TCEA1: variants seen among roughly 807,000 people sequenced by gnomAD.
TCEA1 encodes the protein transcription elongation factor A protein 1.
Under a neutral mutation model 43.8 loss-of-function variants are expected in TCEA1, and 21 were observed. The ratio of observed to expected loss-of-function variants is 0.48; its 90% CI spans 0.34 to 0.69. TCEA1 has a LOEUF of 0.69. Ranked by LOEUF, TCEA1 falls within the 30% of genes least tolerant of loss-of-function variation. The pLI is 0.01. For missense variants in TCEA1, 250 were observed against 365.1 expected, an observed-to-expected ratio of 0.68 and a Z score of 2.57; for synonymous variants, 104 against 117.5, an observed-to-expected ratio of 0.88 and a Z score of 0.75.
chr8:54,002,572 T>C (rs1419120124), intron 2 of TCEA1, among the ~76,000 whole-genome samples: 2 of 123,732 alleles, frequency 1.6e-5, no homozygotes, highest in Admixed American at 8.5e-5. Context: ...ATGGAAAAAA[T>C]GAAAAAAAAA....
chr8:53,996,918 T>TTTTTTTTTTTTTTTTTTTTTG (rs1471902060), intron 3 of TCEA1, among the ~76,000 whole-genome samples: 1 of 149,012 alleles, frequency 6.7e-6, no homozygotes, highest in Admixed American at 6.7e-5. Context: ...TTTTTTTTTT[T>TTTTTTTTTTTTTTTTTTTTTG]AGACAGACTC....
intron 7 of TCEA1, among the ~76,000 whole-genome samples, chr8:53,982,385 A>G (rs1430980657): frequency 6.6e-6 from 1 of 152,046 alleles, no homozygotes; most frequent in African/African-American, 2.4e-5. Context: ...AGGCGGGTGG[A>G]TCACCTGAGG....
intron 1 of TCEA1, among the ~76,000 whole-genome samples, chr8:54,012,962 C>CAAAAAAAAAAAAAAAAAAAAAAAAAAAA (rs72062714): frequency 1.3e-5 from 1 of 76,966 alleles, no homozygotes; most frequent in African/African-American, 4.2e-5. Context: ...ACGACGACGA[C>CAAAAAAAAAAAAAAAAAAAAAAAAAAAA]AAAAAAAAAA....
intron 4 of TCEA1, among the ~76,000 whole-genome samples, chr8:53,992,266 C>T (rs542601717): frequency 7.4e-4 from 113 of 151,880 alleles, no homozygotes; most frequent in African/African-American, 2.6e-3. Flanking sequence ...GAGTCGAGAT[C>T]GTGCCACTGC....
intron 5 of TCEA1, among the ~76,000 whole-genome samples, chr8:53,987,683 TA>T (rs1803732674): frequency 6.6e-6 from 1 of 152,194 alleles, no homozygotes; most frequent in African/African-American, 2.4e-5. Flanking sequence ...AGCTCCCATA[TA>T]TAAATCAAGA....
intron 1 of TCEA1, among the ~76,000 whole-genome samples, chr8:54,020,746 C>T: frequency 6.6e-6 from 1 of 152,206 alleles, no homozygotes; most frequent in Non-Finnish European, 1.5e-5. Flanking sequence ...CTCCAAAGTG[C>T]TGTACAAATC....
intron 8 of TCEA1, chr8:53,972,585 G>A: frequency 1.8e-6 from 1 of 560,640 alleles, no homozygotes; most frequent in Non-Finnish European, 3.5e-6. Context: ...TAAACCTAAA[G>A]GAGGTGTTAT....
At chr8:53,987,810 T>C (rs540332656) in intron 5 of TCEA1, among the ~76,000 whole-genome samples, 96 of 152,272 alleles carry the variant, frequency 6.3e-4, no homozygotes, top group African/African-American at 2.2e-3. Flanking sequence ...AGTTTGCAGA[T>C]TAAATTGTGG....
chr8:53,996,821 T>C (rs1804066694), intron 3 of TCEA1, among the ~76,000 whole-genome samples: 1 of 139,652 alleles, frequency 7.2e-6, no homozygotes, highest in South Asian at 2.1e-4. Context: ...TGAATAGTAA[T>C]GTATTACAAT....
chr8:53,987,072 A>G (rs1488630574), intron 5 of TCEA1, 47 bp from the exon 6 acceptor site: 1 of 1,463,894 alleles, frequency 6.8e-7, no homozygotes, highest in South Asian at 1.3e-5. Context: ...ACAGATTAAA[A>G]GAAAATTCTA....
intron 9 of TCEA1, 192 bp downstream of exon 9, chr8:53,970,200 A>C: frequency 3.2e-6 from 2 of 626,894 alleles, no homozygotes; most frequent in Non-Finnish European, 5.7e-6. Flanking sequence ...GGTAAAGTCA[A>C]GTTAATACTC....
At chr8:53,973,768 T>A (rs1803239015) in intron 8 of TCEA1, 1 of 484,520 alleles carries the variant, frequency 2.1e-6, no homozygotes, top group Admixed American at 2.8e-5. Flanking sequence ...TCCCACTTGT[T>A]CAATGTGCAT....
intron 5 of TCEA1, 138 bp from the exon 6 acceptor site, chr8:53,987,163 G>A: frequency 2.7e-6 from 2 of 733,368 alleles, no homozygotes; most frequent in Non-Finnish European, 2.3e-6. Context: ...TAGTTCGTTA[G>A]AATCTGATCA....
rs961144755 is a variant in TCEA1, at chr8:54,022,383, G to A, written c.-258C>T. 2.8e-5 allele frequency: 15 copies of A among 527,860 alleles called. No homozygotes were observed. The African/African-American group carries it at 3.1e-4, about 11-fold the overall frequency. The allele number at this position is 527,860 out of a possible 1,614,324, so 32.7% of individuals were successfully genotyped here. Reference sequence around the variant, plus strand: ...GCTACCAACTGACTGCAGATCGCTGGTGAGGGGCGAGCCCATGTTCCCGCC... The same window carrying A: ...GCTACCAACTGACTGCAGATCGCTGATGAGGGGCGAGCCCATGTTCCCGCC... On this transcript the variant is annotated 5_prime_UTR_variant, in exon 1 of 10. Coordinates refer to ENST00000521604, the MANE Select transcript of TCEA1 (RefSeq NM_006756.4).
intron 3 of TCEA1, among the ~76,000 whole-genome samples, chr8:53,997,849 A>G (rs906106855): frequency 6.6e-6 from 1 of 152,206 alleles, no homozygotes; most frequent in Non-Finnish European, 1.5e-5. Flanking sequence ...CCTAGGCAAC[A>G]TAGCAAGACC....
At chr8:54,002,798 A>G (rs1198256947) in intron 2 of TCEA1, 2 of 427,776 alleles carry the variant, frequency 4.7e-6, no homozygotes, top group Non-Finnish European at 9.3e-6. Context: ...AGCTTTCAGG[A>G]CAAACTATAC....
intron 7 of TCEA1, 31 bp from the exon 8 acceptor site, chr8:53,979,202 A>G (rs1214839924): frequency 6.3e-7 from 1 of 1,597,092 alleles, no homozygotes; most frequent in Non-Finnish European, 8.6e-7. Context: ...CCACTCAGTT[A>G]TAGACACCTT....
intron 7 of TCEA1, among the ~76,000 whole-genome samples, chr8:53,981,511 C>T (rs1459560955): frequency 6.6e-6 from 1 of 152,180 alleles, no homozygotes; most frequent in African/African-American, 2.4e-5. Flanking sequence ...ACAACAAAGC[C>T]TGGATGACAG....
intron 2 of TCEA1, among the ~76,000 whole-genome samples, chr8:54,000,785 C>A (rs1351639853): frequency 7.1e-6 from 1 of 140,204 alleles, no homozygotes; most frequent in African/African-American, 2.9e-5. Context: ...TTGAGACGGA[C>A]TCTCACTCTG....
Sources: gnomAD v4.1 joint callset for allele counts (sites outside exome capture counted in the v4.1 genomes callset) on GRCh38, gnomAD v4.1.1 for gene constraint, MANE v1.5 for transcripts, NCBI Gene and HGNC (gene_info 2026-07-23, HGNC 2026-07-21) for gene names.